The following CNTNAP2 variants were observed in gnomAD, a reference collection of about 807,000 sequenced individuals.
The protein encoded by CNTNAP2 is contactin associated protein 2.
A neutral mutation model predicts 155.2 loss-of-function variants in CNTNAP2; 98 were observed. That is an observed-to-expected ratio of 0.63 (90% CI 0.54 to 0.75). The LOEUF is 0.75. Among genes scored for constraint, CNTNAP2 ranks in the 30% least tolerant of loss-of-function variants. The probability of loss-of-function intolerance (pLI) is 0.00; values close to 1 mark genes in which losing one functional copy is unlikely to be tolerated. For missense variants in CNTNAP2, 1,727 were observed against 1,688.1 expected, an observed-to-expected ratio of 1.02 and a Z score of -0.40; for synonymous variants, 651 against 631.2, an observed-to-expected ratio of 1.03 and a Z score of -0.47.
intron 1 of CNTNAP2, among the ~76,000 whole-genome samples, chr7:146,716,551 T>C (rs1284113431): frequency 6.6e-6 from 1 of 152,190 alleles, no homozygotes; most frequent in African/African-American, 2.4e-5. Context: ...GCATTGGTGT[T>C]GTATTTGCCC....
intron 13 of CNTNAP2, among the ~76,000 whole-genome samples, chr7:147,735,978 T>C (rs1364808432): frequency 1.4e-5 from 2 of 146,688 alleles, no homozygotes; most frequent in African/African-American, 4.9e-5. Context: ...CTTTATCCAA[T>C]TTGCCAGTCT....
chr7:146,472,089 A>G (rs1304534464), intron 1 of CNTNAP2, among the ~76,000 whole-genome samples: 1 of 152,236 alleles, frequency 6.6e-6, no homozygotes, highest in African/African-American at 2.4e-5. Flanking sequence ...ACTTTCCTAC[A>G]TTATCGTCAT....
chr7:146,475,498 T>C (rs1796864705), intron 1 of CNTNAP2, among the ~76,000 whole-genome samples: 2 of 152,200 alleles, frequency 1.3e-5, no homozygotes, highest in Non-Finnish European at 2.9e-5. Flanking sequence ...GATCAGTCTG[T>C]GTTAACTATT....
rs112994118 is a variant in CNTNAP2 at position 146,939,491 on chromosome 7, G to A, written c.402+99587G>A. Among the ~76,000 whole-genome samples, 617 of 152,170 alleles carry A rather than the reference G, an allele frequency of 4.1e-3. 7 individuals carry two copies. Among genetic ancestry groups the A allele is most frequent in the African/African-American group, 0.013 (558 of 41,514 alleles). On this transcript the variant is annotated intron_variant, in intron 3 of 23. Transcript: ENST00000361727. The stretch of plus-strand genomic sequence containing the variant: ...TTCTTTCTCTGAAATATCTTTTCCA[G>A]CAAAATAAATGGTTTGAAATAATTA...
At chr7:148,294,744 A>G (rs897202926) in intron 21 of CNTNAP2, among the ~76,000 whole-genome samples, 1 of 152,200 alleles carries the variant, frequency 6.6e-6, no homozygotes, top group Non-Finnish European at 1.5e-5. Context: ...CAAAAAACAA[A>G]AAACTTTTAT....
At chr7:147,021,591 G>A (rs13240374) in intron 3 of CNTNAP2, among the ~76,000 whole-genome samples, 7,458 of 152,174 alleles carry the variant, frequency 0.049, 242 homozygotes, top group African/African-American at 0.083. Flanking sequence ...TTTTCTCACA[G>A]TTATAAAACA....
intron 5 of CNTNAP2, among the ~76,000 whole-genome samples, chr7:147,109,593 G>A (rs1049557322): frequency 6.6e-6 from 1 of 152,050 alleles, no homozygotes; most frequent in African/African-American, 2.4e-5. Flanking sequence ...CAGAAATCAA[G>A]GAAACAAAAG....
intron 1 of CNTNAP2, among the ~76,000 whole-genome samples, chr7:146,275,133 T>C (rs1800144140): frequency 6.6e-6 from 1 of 152,210 alleles, no homozygotes; most frequent in South Asian, 2.1e-4. Flanking sequence ...CGGATACAAG[T>C]GTCCATTGAA....
intron 1 of CNTNAP2, among the ~76,000 whole-genome samples, chr7:146,327,672 C>A (rs1801119555): frequency 6.6e-6 from 1 of 152,174 alleles, no homozygotes; most frequent in Non-Finnish European, 1.5e-5. Flanking sequence ...ACTAGCTCAT[C>A]CTCAGTGGCT....
At chr7:146,691,048 C>T (rs2129171572) in intron 1 of CNTNAP2, among the ~76,000 whole-genome samples, 1 of 152,210 alleles carries the variant, frequency 6.6e-6, no homozygotes, top group East Asian at 1.9e-4. Context: ...GGAATCTTCT[C>T]CAAATTAATA....
rs148608317 is a variant in CNTNAP2, at chr7:146,459,674, C to T, written c.98-314597C>T. The stretch of plus-strand genomic sequence containing the variant: ...AAAGCCACAAGGAGGTTTTAAAACA[C>T]AAGGAGGGGCCACTGGACAAGCGCG... On this transcript the variant is annotated intron_variant, in intron 1 of 23. Transcript: ENST00000361727. 6.8e-4 allele frequency among the ~76,000 whole-genome samples: 104 copies of T among 152,126 alleles called. 1 individual carries two copies. The highest frequency in any genetic ancestry group is 2.4e-3 in the African/African-American group (101 of 41,528).
At chr7:146,151,361 C>T (rs1452298540) in intron 1 of CNTNAP2, among the ~76,000 whole-genome samples, 1 of 151,658 alleles carries the variant, frequency 6.6e-6, no homozygotes, top group Non-Finnish European at 1.5e-5. Flanking sequence ...CTAACTCAAA[C>T]CTTGTACCCT....
rs575789294 is a variant in CNTNAP2 at position 146,375,237 on chromosome 7, G to A, written c.97+258264G>A. On this transcript the variant is annotated intron_variant, in intron 1 of 23. Coordinates refer to ENST00000361727, the MANE Select transcript of CNTNAP2 (RefSeq NM_014141.6). ...TTTCAACCATTGCTTTTACTTTCCTGGTTGAAAAGAAATGCTTTTGCTCTT... is the reference window on the plus strand; with the variant it reads ...TTTCAACCATTGCTTTTACTTTCCTAGTTGAAAAGAAATGCTTTTGCTCTT... Among the ~76,000 whole-genome samples the A allele has an allele frequency of 6.6e-5, 10 of 152,254 alleles. No individual in the cohort carries two copies. In the East Asian group the frequency reaches 1.7e-3, roughly 26 times the overall value.
At chr7:146,424,118 G>A (rs1526152) in intron 1 of CNTNAP2, among the ~76,000 whole-genome samples, 5,413 of 152,170 alleles carry the variant, frequency 0.036, 344 homozygotes, top group African/African-American at 0.12. Flanking sequence ...GTAAAATGAA[G>A]ACATTCAATG....
chr7:148,275,085 A>G lies in CNTNAP2; in HGVS notation c.3475+7959A>G, dbSNP rs147813022. On this transcript the variant is annotated intron_variant, in intron 21 of 23. Transcript: ENST00000361727. ...CTGGAACATCATTAGGGTCCAAGAC[A>G]GGCACAGTTTCTGCCTTTGGAAACT... Among the ~76,000 whole-genome samples the G allele has an allele frequency of 4.3e-3, 657 of 152,358 alleles. 8 individuals are homozygous for G. Among genetic ancestry groups the G allele is most frequent in the South Asian group, 0.011 (53 of 4,824 alleles).
intron 11 of CNTNAP2, among the ~76,000 whole-genome samples, chr7:147,494,052 T>C (rs1004303293): frequency 4.6e-5 from 7 of 152,088 alleles, no homozygotes; most frequent in Middle Eastern, 3.2e-3. Context: ...ACTAAAGCAT[T>C]GGGAGCTAAG....
chr7:147,502,717 ATGTG>A lies in CNTNAP2; in HGVS notation c.1777+16698_1777+16701del, dbSNP rs60449695. On this transcript the variant is annotated intron_variant, in intron 11 of 23. Transcript: ENST00000361727. Reference sequence around the variant, plus strand: ...ACCCGATTGTGGTAATCATTTCACAATGTGTGTGTGTGTGTGTGTGTGTGTATAT... The same window carrying A: ...ACCCGATTGTGGTAATCATTTCACAATGTGTGTGTGTGTGTGTGTGTATAT... 1.3e-3 allele frequency among the ~76,000 whole-genome samples: 192 copies of A among 147,834 alleles called. 1 individual carries two copies. Among genetic ancestry groups the A allele is most frequent in the Middle Eastern group, 0.01 (3 of 288 alleles).
At chr7:146,939,042 CATAATG>C (rs1796988969) in intron 3 of CNTNAP2, among the ~76,000 whole-genome samples, 1 of 152,042 alleles carries the variant, frequency 6.6e-6, no homozygotes, top group Non-Finnish European at 1.5e-5. Context: ...AATATAATTT[CATAATG>C]TATCTAGGAG....
At chr7:147,505,181 A>G (rs996502852) in intron 11 of CNTNAP2, among the ~76,000 whole-genome samples, 7 of 152,156 alleles carry the variant, frequency 4.6e-5, no homozygotes, top group African/African-American at 1.4e-4. Flanking sequence ...AATGGCCCTG[A>G]TGTACAAACC....
Sources: gnomAD v4.1 joint callset for allele counts (sites outside exome capture counted in the v4.1 genomes callset) on GRCh38, gnomAD v4.1.1 for gene constraint, MANE v1.5 for transcripts, NCBI Gene and HGNC (gene_info 2026-07-23, HGNC 2026-07-21) for gene names.